Variants in MYL11 observed in about 807,000 individuals in gnomAD.
MYL11 encodes myosin light chain 11, also known as myosin regulatory light chain 11.
At chr16:30,377,777 C>T in the MYL11 span, 2 of 1,613,624 alleles carry the variant, frequency 1.2e-6, no homozygotes, top group Non-Finnish European at 1.7e-6. Flanking sequence ...GTGCGAGACG[C>T]CCCTACGTCT....
the MYL11 span, chr16:30,377,454 G>C: frequency 2.0e-6 from 1 of 492,768 alleles, no homozygotes; most frequent in Non-Finnish European, 3.5e-6. Flanking sequence ...AGTTAAGATT[G>C]TGGTAATGGG....
At chr16:30,371,848 C>A in the MYL11 span, among the ~76,000 whole-genome samples, 2 of 152,146 alleles carry the variant, frequency 1.3e-5, no homozygotes, top group African/African-American at 4.8e-5. Context: ...CCTTAGATCA[C>A]AAGCATAAAG....
the MYL11 span, chr16:30,375,774 G>A: frequency 5.3e-6 from 8 of 1,505,260 alleles, no homozygotes; most frequent in African/African-American, 1.4e-5. Context: ...CCAGAGAGGT[G>A]GAGGGACTGG....
the MYL11 span, chr16:30,376,642 C>T: frequency 6.2e-7 from 1 of 1,614,142 alleles, no homozygotes; most frequent in Non-Finnish European, 8.5e-7. Flanking sequence ...AGGATGTGAT[C>T]ACCGGAGCCT....
Sources: allele counts gnomAD v4.1 joint callset (sites outside exome capture counted in the v4.1 genomes callset), GRCh38; gene constraint gnomAD v4.1.1; transcripts MANE v1.5; gene names NCBI Gene and HGNC (gene_info 2026-07-23, HGNC 2026-07-21).